The following NEGR1 variants were observed in gnomAD, a reference collection of about 807,000 sequenced individuals.
The protein encoded by NEGR1 is IgLON family member 4.
A neutral mutation model predicts 40.9 loss-of-function variants in NEGR1; 10 were observed. The ratio of observed to expected loss-of-function variants is 0.24; its 90% confidence interval spans 0.15 to 0.42. NEGR1 has a LOEUF of 0.42. Among genes scored for constraint, NEGR1 ranks in the 10% least tolerant of loss-of-function variants. The pLI, the probability that NEGR1 is intolerant of heterozygous loss-of-function variation, is 1.00. For missense variants in NEGR1, 352 were observed against 438.9 expected (o/e 0.80, Z 1.77); for synonymous variants, 185 against 166.8 (o/e 1.11, Z -0.84).
At chr1:71,455,657 G>A (rs747508328) in intron 6 of NEGR1, among the ~76,000 whole-genome samples, 5 of 152,096 alleles carry the variant, frequency 3.3e-5, no homozygotes, top group Admixed American at 6.5e-5. Context: ...CCCAGGAGGC[G>A]GAGGTTGCAG....
intron 2 of NEGR1, among the ~76,000 whole-genome samples, chr1:71,782,380 G>A (rs1656747875): frequency 6.6e-6 from 1 of 152,098 alleles, no homozygotes; most frequent in African/African-American, 2.4e-5. Flanking sequence ...GCGCCTGAAT[G>A]TACTAGGACA....
chr1:71,804,258 C>A (rs570177268), intron 2 of NEGR1, among the ~76,000 whole-genome samples: 1 of 152,256 alleles, frequency 6.6e-6, no homozygotes, highest in Non-Finnish European at 1.5e-5. Flanking sequence ...ACAGCAATAA[C>A]AGGTCCTGTT....
chr1:71,999,678 T>TATATAC (rs1457710237), intron 1 of NEGR1, among the ~76,000 whole-genome samples: 1,057 of 49,770 alleles, frequency 0.021, 84 homozygotes, highest in Non-Finnish European at 0.035. Context: ...TATATATATA[T>TATATAC]ACATACATAT....
chr1:72,132,616 C>T (rs895978193), intron 1 of NEGR1, among the ~76,000 whole-genome samples: 31 of 151,990 alleles, frequency 2.0e-4, no homozygotes, highest in African/African-American at 5.3e-4. Context: ...TCACTATTAC[C>T]GTAGGGTGAC....
At chr1:71,539,052 A>T (rs1004328252) in intron 6 of NEGR1, among the ~76,000 whole-genome samples, 1 of 151,750 alleles carries the variant, frequency 6.6e-6, no homozygotes, top group African/African-American at 2.4e-5. Flanking sequence ...GAGTTTCTGG[A>T]GGAAACTTAC....
chr1:72,137,366 CTAGA>C (rs969854536), intron 1 of NEGR1, among the ~76,000 whole-genome samples: 1 of 151,972 alleles, frequency 6.6e-6, no homozygotes, highest in African/African-American at 2.4e-5. Flanking sequence ...CAGTGATAGA[CTAGA>C]TAAAGAAAAT....
chr1:72,061,715 C>A (rs1282783705), intron 1 of NEGR1, among the ~76,000 whole-genome samples: 1 of 151,620 alleles, frequency 6.6e-6, no homozygotes, highest in African/African-American at 2.4e-5. Flanking sequence ...AATTTCAGCC[C>A]CCTCCAAGTA....
intron 1 of NEGR1, among the ~76,000 whole-genome samples, chr1:71,961,011 C>T (rs1255484259): frequency 6.6e-6 from 1 of 152,126 alleles, no homozygotes; most frequent in Admixed American, 6.6e-5. Context: ...AACTTTTCTA[C>T]AAATAAATTA....
At chr1:71,863,591 T>C (rs1417741965) in intron 2 of NEGR1, among the ~76,000 whole-genome samples, 1 of 152,176 alleles carries the variant, frequency 6.6e-6, no homozygotes, top group East Asian at 1.9e-4. Flanking sequence ...ACACGTACCC[T>C]GGAACTTTAA....
chr1:71,809,339 A>G (rs1373193121), intron 2 of NEGR1, among the ~76,000 whole-genome samples: 2 of 152,208 alleles, frequency 1.3e-5, no homozygotes, highest in African/African-American at 4.8e-5. Flanking sequence ...AAATTCAGCT[A>G]GCTATGTCAT....
intron 6 of NEGR1, among the ~76,000 whole-genome samples, chr1:71,549,623 C>T (rs938876675): frequency 5.3e-5 from 8 of 151,590 alleles, no homozygotes; most frequent in African/African-American, 1.9e-4. Context: ...AGGTCATTTA[C>T]CTGAGAAGTA....
chr1:72,022,786 A>G (rs1646772810), intron 1 of NEGR1, among the ~76,000 whole-genome samples: 1 of 152,146 alleles, frequency 6.6e-6, no homozygotes, highest in African/African-American at 2.4e-5. Context: ...CTATTCACAG[A>G]CGATATGATT....
At chr1:71,992,707 C>T (rs567567248) in intron 1 of NEGR1, among the ~76,000 whole-genome samples, 3 of 134,284 alleles carry the variant, frequency 2.2e-5, no homozygotes, top group South Asian at 2.5e-4. Context: ...ACAGCTAGTA[C>T]CTTCTGTACT....
chr1:71,459,862 T>C (rs1646701416), intron 6 of NEGR1, among the ~76,000 whole-genome samples: 1 of 152,218 alleles, frequency 6.6e-6, no homozygotes, highest in Non-Finnish European at 1.5e-5. Flanking sequence ...ATTAGCTCAA[T>C]CATAACTTCC....
rs907696794 is a variant in NEGR1 at position 71,784,146 on chromosome 1, C to A, written c.410-7849G>T. ...TAAAACAGTAGTTTCCCACACCCAG[C>A]TAATCATCAGGGATAACCGGATGAG... On this transcript the variant is annotated intron_variant, in intron 2 of 6. Transcript: ENST00000357731. Among the ~76,000 whole-genome samples the A allele has an allele frequency of 2.6e-5, 4 of 152,178 alleles. No individual in the cohort carries two copies. In the East Asian group the frequency reaches 7.7e-4, roughly 29 times the overall value.
chr1:71,733,685 C>T (rs1234752613), intron 3 of NEGR1, among the ~76,000 whole-genome samples: 4 of 152,012 alleles, frequency 2.6e-5, no homozygotes. Context: ...AAATGAGAGA[C>T]CCAGGAAAAG....
chr1:71,834,375 G>A (rs1467996798), intron 2 of NEGR1, among the ~76,000 whole-genome samples: 1 of 152,016 alleles, frequency 6.6e-6, no homozygotes, highest in Non-Finnish European at 1.5e-5. Flanking sequence ...GACCTCCCCA[G>A]TGTGGGTGGG....
chr1:71,597,677 C>T (rs966341680), intron 5 of NEGR1, among the ~76,000 whole-genome samples: 3 of 151,512 alleles, frequency 2.0e-5, no homozygotes, highest in Admixed American at 1.3e-4. Context: ...GAGGCTGAGG[C>T]GGGTGGATCA....
At chr1:72,230,269 G>T (rs1654321179) in intron 1 of NEGR1, among the ~76,000 whole-genome samples, 1 of 152,016 alleles carries the variant, frequency 6.6e-6, no homozygotes, top group Non-Finnish European at 1.5e-5. Context: ...TAAAAAGAAG[G>T]TTAGATAGAA....
Sources: gnomAD v4.1 joint callset for allele counts (sites outside exome capture counted in the v4.1 genomes callset) on GRCh38, gnomAD v4.1.1 for gene constraint, MANE v1.5 for transcripts, NCBI Gene and HGNC (gene_info 2026-07-23, HGNC 2026-07-21) for gene names.